The following PCDHGB6 variants were observed in gnomAD, a reference collection of about 807,000 sequenced individuals.
PCDHGB6 encodes the protein protocadherin gamma-B6.
PCDHGB6 carries 51 observed loss-of-function variants against 59.1 expected under a neutral mutation model. That is an observed-to-expected ratio of 0.86 (90% CI 0.69 to 1.09). The LOEUF (loss-of-function observed/expected upper bound fraction) is 1.09. Among genes scored for constraint, PCDHGB6 ranks in the 50% least tolerant of loss-of-function variants. The pLI, the probability that PCDHGB6 is intolerant of heterozygous loss-of-function variation, is 0.00. For missense variants in PCDHGB6, 1,148 were observed against 1,205.1 expected, an observed-to-expected ratio of 0.95 and a Z score of 0.70; for synonymous variants, 466 against 495.1, an observed-to-expected ratio of 0.94 and a Z score of 0.78.
rs1273620361 is a variant in PCDHGB6, at chr5:141,486,809, A to G, written c.2419-7998A>G. 1 of 1,614,106 alleles carries G rather than the reference A, an allele frequency of 6.2e-7. No homozygotes were observed. The highest frequency in any genetic ancestry group is 1.3e-5 in the African/African-American group (1 of 74,936). On this transcript the variant is annotated intron_variant, in intron 1 of 3. Coordinates refer to ENST00000520790, the MANE Select transcript of PCDHGB6 (RefSeq NM_018926.3). This position sits in a 1 kb window ranked among gnomAD's most constrained non-coding sequence, Gnocchi z 5.0. ...CCGGGATCGGGGCAACCCACCCCTT[A>G]GCAGCACTGTAACAGTTCGTCTATT...
intron 1 of PCDHGB6, chr5:141,416,686 T>C (rs1341005031): frequency 6.6e-6 from 1 of 152,244 alleles, no homozygotes; most frequent in African/African-American, 2.4e-5. Flanking sequence ...AGGGAAATTA[T>C]ATAAACAAAG....
intron 1 of PCDHGB6, among the ~76,000 whole-genome samples, chr5:141,481,556 G>T (rs553126587): frequency 6.6e-6 from 1 of 152,148 alleles, no homozygotes; most frequent in African/African-American, 2.4e-5. Flanking sequence ...AGTGGCTCAC[G>T]CCTGTAATCC....
At chr5:141,422,636 C>T in intron 1 of PCDHGB6, 3 of 1,612,584 alleles carry the variant, frequency 1.9e-6, no homozygotes, top group Non-Finnish European at 2.5e-6. Context: ...CCCAGGGGTG[C>T]CTCCATCTTC....
chr5:141,428,479 T>A (rs577865239), intron 1 of PCDHGB6: 1 of 328,682 alleles, frequency 3.0e-6, no homozygotes, highest in African/African-American at 2.1e-5. Flanking sequence ...TTTGCTTTAT[T>A]CCTGCAATCT....
At chr5:141,413,664 T>G in intron 1 of PCDHGB6, 1 of 1,613,858 alleles carries the variant, frequency 6.2e-7, no homozygotes, top group Non-Finnish European at 8.5e-7. Flanking sequence ...AAGCTATTGA[T>G]CCGGATGTGG....
Position 141,419,438 on chromosome 5 carries a change from A to G in PCDHGB6, c.2418+8818A>G, listed in dbSNP as rs764801455. On this transcript the variant is annotated intron_variant, in intron 1 of 3. Coordinates refer to ENST00000520790, the MANE Select transcript of PCDHGB6 (RefSeq NM_018926.3). ...CGCCTTCGACCACGAGCAGCTGCGC[A>G]CCTTCGAGCTCACGCTGCAGGCCCG... 8 of 1,613,138 alleles carry G rather than the reference A, an allele frequency of 5.0e-6. No homozygotes were observed. The highest frequency in any genetic ancestry group is 4.4e-5 in the South Asian group (4 of 91,044).
At position 141,489,062 on chromosome 5, in the gene PCDHGB6, C is replaced by G. The variant is rs1466124551; in HGVS notation, c.2419-5745C>G. Reference sequence around the variant, plus strand: ...GCTCCACTCAAATTCAGCTCCCCTCCCCCCTGCCCACCCCCGCCACTCGGT... The same window carrying G: ...GCTCCACTCAAATTCAGCTCCCCTCGCCCCTGCCCACCCCCGCCACTCGGT... On this transcript the variant is annotated intron_variant, in intron 1 of 3. Transcript: ENST00000520790. This position sits in a 1 kb window ranked among gnomAD's most constrained non-coding sequence, Gnocchi z 4.5. 5.3e-6 allele frequency: 2 copies of G among 378,914 alleles called. No homozygotes were observed. Among genetic ancestry groups the G allele is most frequent in the Non-Finnish European group, 9.5e-6 (2 of 209,830 alleles). 23.5% of individuals were successfully genotyped at this position (378,914 alleles called of 1,614,324 possible).
rs776132438 is a variant in PCDHGB6 at position 141,432,197 on chromosome 5, G to A, written c.2418+21577G>A. The A allele has an allele frequency of 2.5e-6, 4 of 1,614,112 alleles. No individual in the cohort carries two copies. The South Asian group carries it at 3.3e-5, about 13-fold the overall frequency. The stretch of plus-strand genomic sequence containing the variant: ...CGTCTCTGTGACCGCCCACGACCCC[G>A]ACTGTGAAGAGAACGCCCAGATCAC... On this transcript the variant is annotated intron_variant, in intron 1 of 3. Coordinates refer to ENST00000520790, the MANE Select transcript of PCDHGB6 (RefSeq NM_018926.3). The surrounding 1 kb of genome is among the most constrained non-coding windows in gnomAD (Gnocchi z 6.0).
chr5:141,483,007 C>G (rs938404755), intron 1 of PCDHGB6, among the ~76,000 whole-genome samples: 1 of 152,140 alleles, frequency 6.6e-6, no homozygotes, highest in South Asian at 2.1e-4. Flanking sequence ...ATTGCTTGAA[C>G]CCGGGAGGCA....
At chr5:141,459,156 T>C (rs920698328) in intron 1 of PCDHGB6, among the ~76,000 whole-genome samples, 1 of 152,188 alleles carries the variant, frequency 6.6e-6, no homozygotes, top group Non-Finnish European at 1.5e-5. Flanking sequence ...ATATAGAACA[T>C]TTCTATAACC....
chr5:141,431,648 A>G lies in PCDHGB6; in HGVS notation c.2418+21028A>G. 2 of 1,614,240 alleles carry G rather than the reference A, an allele frequency of 1.2e-6. No individual in the cohort carries two copies. The highest frequency in any genetic ancestry group is 1.7e-6 in the Non-Finnish European group (2 of 1,180,046). On this transcript the variant is annotated intron_variant, in intron 1 of 3. Transcript: ENST00000520790. The surrounding 1 kb of genome is among the most constrained non-coding windows in gnomAD (Gnocchi z 4.8). ...GGCCCAAGTTTTCAAACTAGATTGT[A>G]ATTCAGGGACAATATCAACAATAGG...
At position 141,415,393 on chromosome 5, in the gene PCDHGB6, T is replaced by C. The variant is rs574028530; in HGVS notation, c.2418+4773T>C. On this transcript the variant is annotated intron_variant, in intron 1 of 3. Transcript: ENST00000520790. ...TTCAGGAGGCGGCTTGACAGGTGTG[T>C]CCGGCTCGCACTTTGTGGGCGTGGA... 1.1e-5 allele frequency: 17 copies of C among 1,614,190 alleles called. No individual in the cohort carries two copies. In the East Asian group the frequency reaches 2.5e-4, roughly 23 times the overall value.
At chr5:141,426,374 C>G (rs908991939) in intron 1 of PCDHGB6, 2 of 219,094 alleles carry the variant, frequency 9.1e-6, no homozygotes, top group East Asian at 1.0e-4. Flanking sequence ...GGGGCACCCT[C>G]GGAGCAGATC....
chr5:141,418,452 A>C (rs2096259372), intron 1 of PCDHGB6: 5 of 1,614,024 alleles, frequency 3.1e-6, no homozygotes, highest in Non-Finnish European at 4.2e-6. Context: ...GTATTGCAGA[A>C]GACTCTGGAC....
At chr5:141,459,236 G>A (rs1248794102) in intron 1 of PCDHGB6, among the ~76,000 whole-genome samples, 2 of 152,176 alleles carry the variant, frequency 1.3e-5, no homozygotes, top group African/African-American at 2.4e-5. Context: ...CAACTGGTCT[G>A]CTTCCTGTCA....
rs754299511 is a variant in PCDHGB6 at position 141,476,353 on chromosome 5, G to A, written c.2419-18454G>A. 4 of 1,614,202 alleles carry A rather than the reference G, an allele frequency of 2.5e-6. No individual in the cohort carries two copies. Among genetic ancestry groups the A allele is most frequent in the South Asian group, 1.1e-5 (1 of 91,082 alleles). On this transcript the variant is annotated intron_variant, in intron 1 of 3. Coordinates refer to ENST00000520790, the MANE Select transcript of PCDHGB6 (RefSeq NM_018926.3). The surrounding 1 kb of genome is among the most constrained non-coding windows in gnomAD (Gnocchi z 7.6). The stretch of plus-strand genomic sequence containing the variant: ...GAGCTAGCCGAAGATTCTTTGAGGT[G>A]AACCGGGAGACCGGAGAGATGTTTG...
chr5:141,487,477 C>A lies in PCDHGB6; in HGVS notation c.2419-7330C>A, dbSNP rs748435479. On this transcript the variant is annotated intron_variant, in intron 1 of 3. Transcript: ENST00000520790. The surrounding 1 kb of genome is among the most constrained non-coding windows in gnomAD (Gnocchi z 5.0). ...TCAAGTTTGTTGATGTGGGAGGCCA[C>A]TCTCATGGCTGTACACCCTTGGCTT... 1 of 1,614,200 alleles carries A rather than the reference C, an allele frequency of 6.2e-7. No individual in the cohort carries two copies. The highest frequency in any genetic ancestry group is 1.7e-5 in the Admixed American group (1 of 60,030).
In PCDHGB6 at chr5:141,489,801, T is replaced by C. The variant is rs201458939; in HGVS notation, c.2419-5006T>C. 6.2e-7 allele frequency: 1 copy of C among 1,614,148 alleles called. No homozygotes were observed. On this transcript the variant is annotated intron_variant, in intron 1 of 3. Coordinates refer to ENST00000520790, the MANE Select transcript of PCDHGB6 (RefSeq NM_018926.3). The surrounding 1 kb of genome is among the most constrained non-coding windows in gnomAD (Gnocchi z 4.5). The stretch of plus-strand genomic sequence containing the variant: ...CTCTGAATGTGAAGACCCTAAAAGA[T>C]GGGAAGCCATTCCCAGAGCTGGTGC...
At chr5:141,415,476 G>C in intron 1 of PCDHGB6, 1 of 1,614,194 alleles carries the variant, frequency 6.2e-7, no homozygotes, top group Non-Finnish European at 8.5e-7. Context: ...CCGCGGACTC[G>C]CGAAAGAGTC....
Sources: gnomAD v4.1 joint callset for allele counts (sites outside exome capture counted in the v4.1 genomes callset) on GRCh38, gnomAD v4.1.1 for gene constraint, Gnocchi (gnomAD v3.1) non-coding constraint, MANE v1.5 for transcripts, NCBI Gene and HGNC (gene_info 2026-07-23, HGNC 2026-07-21) for gene names.